The following RBM44 variants were observed in gnomAD, a reference collection of about 807,000 sequenced individuals.
The protein encoded by RBM44 is RNA-binding protein 44.
RBM44 carries 66 observed loss-of-function variants against 105.1 expected under a neutral mutation model. That is an observed-to-expected ratio of 0.63 (90% CI 0.52 to 0.77). RBM44 has a LOEUF of 0.77. Among genes scored for constraint, RBM44 ranks in the 30% least tolerant of loss-of-function variants. The pLI, the probability that RBM44 is intolerant of heterozygous loss-of-function variation, is 0.00. For synonymous variants in RBM44, 365 were observed against 417.6 expected (o/e 0.87, Z 1.54); for missense variants, 1,122 against 1,207.8 (o/e 0.93, Z 1.05).
intron 2 of RBM44, among the ~76,000 whole-genome samples, chr2:237,814,009 T>C (rs2061686237): frequency 6.6e-6 from 1 of 152,206 alleles, no homozygotes; most frequent in African/African-American, 2.4e-5. Context: ...GCCCAAGTTG[T>C]ATATGTTTTC....
intron 1 of RBM44, among the ~76,000 whole-genome samples, chr2:237,804,154 G>A (rs567423458): frequency 2.0e-5 from 3 of 152,312 alleles, no homozygotes; most frequent in African/African-American, 4.8e-5. Flanking sequence ...ATAGGCGTGC[G>A]CCACCACGCC....
chr2:237,829,389 G>A lies in RBM44; in HGVS notation c.2773G>A (p.Glu925Lys), dbSNP rs1327554247. The A allele has an allele frequency of 6.2e-7, 1 of 1,613,514 alleles. No homozygotes were observed. Among genetic ancestry groups the A allele is most frequent in the Non-Finnish European group, 8.5e-7 (1 of 1,179,682 alleles). ...NGNRISSNNL[E>K]KSTNKQIHSE... ...GAATAGAATTAGTTCGAATAATTTA[G>A]AGAAAAGCACCAACAAACAAATCCA... Residue 925 changes from glutamate to lysine, a missense_variant, in exon 13 of 16, where the codon GAG becomes AAG. Around this residue, in one of 3 missense-constraint regions of RBM44, gnomAD observed 194 missense variants for 225.5 expected, o/e 0.86. Transcript: ENST00000316997.
chr2:237,809,656 GT>G (rs2061636640), intron 1 of RBM44, among the ~76,000 whole-genome samples: 1 of 152,112 alleles, frequency 6.6e-6, no homozygotes, highest in Non-Finnish European at 1.5e-5. Context: ...CAAGCAGTAG[GT>G]AATTACATTC....
At chr2:237,807,175 A>G (rs2061607811) in intron 1 of RBM44, among the ~76,000 whole-genome samples, 2 of 152,006 alleles carry the variant, frequency 1.3e-5, no homozygotes, top group South Asian at 2.1e-4. Context: ...TTGAGATGGA[A>G]TCTCGCTCTG....
At chr2:237,825,113 A>G (rs2061835050) in intron 10 of RBM44, among the ~76,000 whole-genome samples, 1 of 152,146 alleles carries the variant, frequency 6.6e-6, no homozygotes, top group Non-Finnish European at 1.5e-5. Context: ...AGTAACCACT[A>G]TGAATATTTT....
At chr2:237,833,941 A>G (rs1452599224) in intron 13 of RBM44, 56 bp from the exon 14 acceptor site, 162 of 928,622 alleles carry the variant, frequency 1.7e-4, no homozygotes, top group Non-Finnish European at 1.5e-6. Context: ...AAGCGGTATT[A>G]TCTTTATGTA....
At chr2:237,813,526 C>T in intron 1 of RBM44, 66 bp from the exon 2 acceptor site, 4 of 845,884 alleles carry the variant, frequency 4.7e-6, no homozygotes, top group Non-Finnish European at 5.6e-6. Flanking sequence ...TCTTTCTGTC[C>T]TTTATGTAGT....
Position 237,817,503 on chromosome 2 carries a change from A to G in RBM44, c.584A>G (p.Glu195Gly), listed in dbSNP as rs1041834286. 4.4e-6 allele frequency: 7 copies of G among 1,606,976 alleles called. No individual in the cohort carries two copies. The highest frequency in any genetic ancestry group is 6.0e-6 in the Non-Finnish European group (7 of 1,176,098). The stretch of plus-strand genomic sequence containing the variant: ...GAATATCACAGTGCAGAAGAACAAG[A>G]ATACATAAGTAACCATTTATCTTTT... ...QQEYHSAEEQ[E>G]YISNHLSFDQ... The change falls in exon 3 of 16, where the codon GAA (glutamate) becomes GGA (glycine). Residue 195 changes from glutamate to glycine, a missense_variant. Glu to Gly is a moderately conservative substitution (Grantham distance 98). This residue lies in a region of RBM44 where 918 missense variants were observed against 955.3 expected (regional missense o/e 0.96). Coordinates refer to ENST00000316997, the MANE Select transcript of RBM44 (RefSeq NM_001080504.3).
chr2:237,803,926 C>G lies in RBM44; in HGVS notation c.-19+5065C>G, dbSNP rs559895316. On this transcript the variant is annotated intron_variant, in intron 1 of 15. Coordinates refer to ENST00000316997, the MANE Select transcript of RBM44 (RefSeq NM_001080504.3). The surrounding 1 kb of genome is among the most constrained non-coding windows in gnomAD (Gnocchi z 4.2). ...TTTTTGAGACAGAGTCTTGCTTTGT[C>G]ACCCAGGCTGGGGTACAGTGGCGCA... is the stretch of plus-strand genomic sequence containing the variant. Among the ~76,000 whole-genome samples, 1 of 150,180 alleles carries G rather than the reference C, an allele frequency of 6.7e-6. No homozygotes were observed. Among genetic ancestry groups the G allele is most frequent in the East Asian group, 1.9e-4 (1 of 5,150 alleles).
chr2:237,838,693 T>C (rs1008699844), intron 15 of RBM44, among the ~76,000 whole-genome samples: 4 of 152,200 alleles, frequency 2.6e-5, no homozygotes, highest in Admixed American at 6.5e-5. Flanking sequence ...CTCACATTAC[T>C]CAGTATATAG....
intron 13 of RBM44, among the ~76,000 whole-genome samples, chr2:237,830,868 G>A (rs1484253509): frequency 6.6e-6 from 1 of 151,490 alleles, no homozygotes; most frequent in Non-Finnish European, 1.5e-5. Context: ...AGTTATTGTA[G>A]CTATTTAGTC....
chr2:237,839,122 G>T (rs2061986405), intron 15 of RBM44, among the ~76,000 whole-genome samples: 1 of 152,180 alleles, frequency 6.6e-6, no homozygotes, highest in Non-Finnish European at 1.5e-5. Context: ...TTGCAAGCAG[G>T]TCTTTCTAAG....
chr2:237,808,224 G>A (rs2061619333), intron 1 of RBM44, among the ~76,000 whole-genome samples: 1 of 152,100 alleles, frequency 6.6e-6, no homozygotes, highest in African/African-American at 2.4e-5. Context: ...AGACTGAGGT[G>A]GGCGGATCAC....
intron 15 of RBM44, among the ~76,000 whole-genome samples, chr2:237,839,915 G>A: frequency 6.6e-6 from 1 of 152,160 alleles, no homozygotes; most frequent in East Asian, 1.9e-4. Context: ...AGAATAGGCT[G>A]GGGAGGGGGT....
chr2:237,820,649 T>G (rs576920238), intron 5 of RBM44: 1 of 254,348 alleles, frequency 3.9e-6, no homozygotes, highest in Non-Finnish European at 7.4e-6. Context: ...CTGGCTTATG[T>G]GTCAAGAGTT....
At chr2:237,814,854 A>G (rs1238471540) in intron 2 of RBM44, among the ~76,000 whole-genome samples, 1 of 151,786 alleles carries the variant, frequency 6.6e-6, no homozygotes, top group African/African-American at 2.4e-5. Flanking sequence ...AAAGAGGAAA[A>G]TAATACTCTG....
At chr2:237,840,143 A>C (rs969364156) in intron 15 of RBM44, among the ~76,000 whole-genome samples, 3 of 143,620 alleles carry the variant, frequency 2.1e-5, no homozygotes, top group African/African-American at 7.8e-5. Flanking sequence ...AGCTGAGATT[A>C]CACCGCTGCA....
intron 13 of RBM44, 52 bp downstream of exon 13, chr2:237,829,554 T>TA: frequency 6.9e-7 from 1 of 1,453,572 alleles, no homozygotes; most frequent in Non-Finnish European, 9.4e-7. Flanking sequence ...CATATTGCTG[T>TA]AAGTAGCTTT....
rs2061882233 is a variant in RBM44, at chr2:237,829,465, G to T, written c.2849G>T (p.Gly950Val). Residue 950 changes from glycine to valine, a missense_variant, in exon 13 of 16, where the codon GGT becomes GTT. Coordinates refer to ENST00000316997, the MANE Select transcript of RBM44 (RefSeq NM_001080504.3). ...RLPRTRPRQL[G>V]SEQDSEVFPS... ...CCCAGAACTAGGCCACGGCAGCTGG[G>T]TTCTGAGCAAGACAGTGAGGTTTTC... 1 of 1,613,608 alleles carries T rather than the reference G, an allele frequency of 6.2e-7. No individual in the cohort carries two copies. The highest frequency in any genetic ancestry group is 2.2e-5 in the East Asian group (1 of 44,884).
Sources: gnomAD v4.1 joint callset for allele counts (sites outside exome capture counted in the v4.1 genomes callset) on GRCh38, gnomAD v4.1.1 for gene constraint, gnomAD v4.1.1 regional missense constraint, Gnocchi (gnomAD v3.1) non-coding constraint, MANE v1.5 for transcripts, NCBI Gene and HGNC (gene_info 2026-07-23, HGNC 2026-07-21) for gene names.